Variants in PCDH15 observed in about 807,000 individuals in gnomAD.
PCDH15 encodes the protein protocadherin related 15.
In PCDH15, 129 loss-of-function variants were observed where a neutral mutation model predicts 178.5. The ratio of observed to expected loss-of-function variants is 0.72; its 90% CI spans 0.63 to 0.84. The LOEUF is 0.84. PCDH15 is among the 40% of genes least tolerant of loss of function. The pLI is 0.00. For missense variants in PCDH15, 2,230 were observed against 2,099.9 expected, an observed-to-expected ratio of 1.06 and a Z score of -1.21; for synonymous variants, 800 against 732.0, an observed-to-expected ratio of 1.09 and a Z score of -1.50.
At chr10:54,136,692 A>G (rs1019678543) in intron 14 of PCDH15, among the ~76,000 whole-genome samples, 1 of 152,148 alleles carries the variant, frequency 6.6e-6, no homozygotes, top group African/African-American at 2.4e-5. Flanking sequence ...AGTTACTTGG[A>G]TACTTGTCAC....
chr10:54,408,029 T>A (rs1952916436), intron 3 of PCDH15, among the ~76,000 whole-genome samples: 1 of 117,276 alleles, frequency 8.5e-6, no homozygotes. Context: ...AACTCCAGCC[T>A]GGGTGACAGA....
At chr10:54,613,431 C>T (rs2134279966) in intron 2 of PCDH15, among the ~76,000 whole-genome samples, 1 of 151,838 alleles carries the variant, frequency 6.6e-6, no homozygotes, top group East Asian at 1.9e-4. Context: ...AACAGGGAAA[C>T]ATGTTCCATC....
At chr10:54,327,394 T>C (rs1035157749) in intron 7 of PCDH15, among the ~76,000 whole-genome samples, 2 of 150,540 alleles carry the variant, frequency 1.3e-5, no homozygotes, top group African/African-American at 4.9e-5. Flanking sequence ...CATTAAAATA[T>C]ATACACACAT....
intron 2 of PCDH15, among the ~76,000 whole-genome samples, chr10:54,641,485 G>A (rs116219559): frequency 0.017 from 2,614 of 151,896 alleles, 40 homozygotes; most frequent in African/African-American, 0.045. Context: ...TTAGTGAATG[G>A]CCCTATTCTA....
At chr10:55,189,108 T>A (rs1352206821) in intron 1 of PCDH15, among the ~76,000 whole-genome samples, 1 of 151,974 alleles carries the variant, frequency 6.6e-6, no homozygotes, top group Non-Finnish European at 1.5e-5. Context: ...TCCTACTGTG[T>A]TTCATGGCTA....
chr10:54,354,723 A>C (rs1172713731), intron 5 of PCDH15, among the ~76,000 whole-genome samples: 4 of 151,632 alleles, frequency 2.6e-5, no homozygotes, highest in Non-Finnish European at 4.4e-5. Context: ...GAAATTGTAA[A>C]CAAAACACAC....
chr10:55,560,853 A>T (rs1842183314), intron 2 of PCDH15, among the ~76,000 whole-genome samples: 1 of 150,930 alleles, frequency 6.6e-6, no homozygotes, highest in African/African-American at 2.4e-5. Context: ...ATGTAAATAT[A>T]AATAAGGGAA....
chr10:54,290,818 A>C (rs1477191997), intron 8 of PCDH15, among the ~76,000 whole-genome samples: 1 of 152,214 alleles, frequency 6.6e-6, no homozygotes, highest in Non-Finnish European at 1.5e-5. Context: ...CATAATGGTT[A>C]AAGGGATCAA....
At chr10:54,290,085 C>A (rs897164315) in intron 8 of PCDH15, among the ~76,000 whole-genome samples, 2 of 152,012 alleles carry the variant, frequency 1.3e-5, no homozygotes, top group Non-Finnish European at 2.9e-5. Context: ...CCCCAAGGCA[C>A]AAAATTGTCA....
At chr10:54,301,558 C>T (rs1181488685) in intron 8 of PCDH15, among the ~76,000 whole-genome samples, 1 of 152,084 alleles carries the variant, frequency 6.6e-6, no homozygotes, top group Admixed American at 6.5e-5. Flanking sequence ...AGACAACAAG[C>T]CCACAGAATA....
intron 3 of PCDH15, among the ~76,000 whole-genome samples, chr10:54,431,600 T>A (rs1219866): frequency 0.21 from 31,975 of 151,998 alleles, 4,249 homozygotes; most frequent in African/African-American, 0.38. Context: ...TAGAAGGAAC[T>A]AACCTCAACA....
At chr10:54,119,451 A>G (rs2095175942) in intron 15 of PCDH15, among the ~76,000 whole-genome samples, 2 of 152,238 alleles carry the variant, frequency 1.3e-5, no homozygotes, top group South Asian at 4.1e-4. Flanking sequence ...ATAAAGAAAA[A>G]AGAATTTTTT....
At chr10:54,915,161 T>C (rs1954879501) in intron 2 of PCDH15, among the ~76,000 whole-genome samples, 1 of 152,212 alleles carries the variant, frequency 6.6e-6, no homozygotes, top group Non-Finnish European at 1.5e-5. Context: ...TTTACCATTC[T>C]GGAACTCATG....
intron 2 of PCDH15, among the ~76,000 whole-genome samples, chr10:55,155,382 A>C (rs777624573): frequency 6.6e-6 from 1 of 151,746 alleles, no homozygotes; most frequent in Non-Finnish European, 1.5e-5. Context: ...TAGAAAACTG[A>C]AGAGAAGAAT....
At chr10:54,886,577 C>T (rs894846095) in intron 3 of PCDH15, among the ~76,000 whole-genome samples, 4 of 152,182 alleles carry the variant, frequency 2.6e-5, no homozygotes, top group African/African-American at 9.7e-5. Flanking sequence ...GCCTGGCCAA[C>T]GTGGTAAAAC....
chr10:53,892,928 TGTGAA>T (rs1290286152), intron 26 of PCDH15, among the ~76,000 whole-genome samples: 1 of 152,174 alleles, frequency 6.6e-6, no homozygotes, highest in East Asian at 1.9e-4. Context: ...TCAAAATGAA[TGTGAA>T]GTATTTTCTA....
intron 1 of PCDH15, among the ~76,000 whole-genome samples, chr10:54,763,522 A>G (rs1025161313): frequency 7.2e-5 from 11 of 152,172 alleles, no homozygotes; most frequent in African/African-American, 2.6e-4. Flanking sequence ...AGTTAGGTAG[A>G]AGAAATAAGT....
At chr10:54,099,992 A>G (rs7094268) in intron 15 of PCDH15, among the ~76,000 whole-genome samples, 88,590 of 151,938 alleles carry the variant, frequency 0.58, 26,565 homozygotes, top group Middle Eastern at 0.67. Flanking sequence ...AAATACTTCA[A>G]GCATCTACTT....
At chr10:53,949,544 G>C (rs957347208) in intron 23 of PCDH15, among the ~76,000 whole-genome samples, 1 of 151,944 alleles carries the variant, frequency 6.6e-6, no homozygotes, top group Non-Finnish European at 1.5e-5. Context: ...GATAGCCTGG[G>C]CAATATAGCA....
Sources: gnomAD v4.1 joint callset for allele counts (sites outside exome capture counted in the v4.1 genomes callset) on GRCh38, gnomAD v4.1.1 for gene constraint, MANE v1.5 for transcripts, NCBI Gene and HGNC (gene_info 2026-07-23, HGNC 2026-07-21) for gene names.